SDK1: variants seen among roughly 807,000 people sequenced by gnomAD.
SDK1 encodes protein sidekick-1.
A neutral mutation model predicts 245.5 loss-of-function variants in SDK1; 157 were observed. That is an observed-to-expected ratio of 0.64 (90% CI 0.56 to 0.73). The LOEUF (loss-of-function observed/expected upper bound fraction) is 0.73, where lower values mean the gene tolerates loss of function less well. Among genes scored for constraint, SDK1 ranks in the 30% least tolerant of loss-of-function variants. SDK1 has a pLI of 0.00. For missense variants in SDK1, 3,583 were observed against 3,002.3 expected, an observed-to-expected ratio of 1.19 and a Z score of -4.52; for synonymous variants, 1,647 against 1,278.5, an observed-to-expected ratio of 1.29 and a Z score of -6.15.
intron 3 of SDK1, among the ~76,000 whole-genome samples, chr7:3,639,637 AAGG>A (rs1357999869): frequency 2.0e-5 from 3 of 152,134 alleles, no homozygotes; most frequent in South Asian, 2.1e-4. Flanking sequence ...AAAGTAAACA[AAGG>A]AGATATCAAG....
intron 1 of SDK1, among the ~76,000 whole-genome samples, chr7:3,340,976 CAGGAG>C (rs1396310729): frequency 4.6e-5 from 7 of 152,062 alleles, no homozygotes; most frequent in African/African-American, 1.7e-4. Flanking sequence ...TTCTAGAAAA[CAGGAG>C]AGAAGACCTA....
At chr7:4,170,777 A>C (rs1781792044) in intron 32 of SDK1, among the ~76,000 whole-genome samples, 1 of 152,148 alleles carries the variant, frequency 6.6e-6, no homozygotes. Context: ...AGACTGTCTG[A>C]CATGCCCAGC....
chr7:3,451,662 T>A (rs908365185), intron 1 of SDK1, among the ~76,000 whole-genome samples: 2 of 152,212 alleles, frequency 1.3e-5, no homozygotes, highest in Non-Finnish European at 2.9e-5. Context: ...TACTGAAATT[T>A]AAGCTACAGC....
At chr7:4,015,767 C>T (rs1051349778) in intron 16 of SDK1, among the ~76,000 whole-genome samples, 1 of 152,188 alleles carries the variant, frequency 6.6e-6, no homozygotes, top group Non-Finnish European at 1.5e-5. Flanking sequence ...GCCCAGAGGC[C>T]ACTTGCTCCT....
intron 25 of SDK1, among the ~76,000 whole-genome samples, chr7:4,120,773 T>G (rs1784006107): frequency 6.6e-6 from 1 of 152,010 alleles, no homozygotes. Flanking sequence ...CCCACCACCA[T>G]GACCAGCTAA....
chr7:4,227,562 G>A (rs914729570), intron 40 of SDK1: 13 of 422,920 alleles, frequency 3.1e-5, no homozygotes, highest in African/African-American at 1.8e-4. Context: ...TGACAGGCTT[G>A]CATTTGCTCT....
At chr7:3,456,863 GTT>G (rs1780684768) in intron 1 of SDK1, among the ~76,000 whole-genome samples, 1 of 152,070 alleles carries the variant, frequency 6.6e-6, no homozygotes, top group Non-Finnish European at 1.5e-5. Context: ...CCTTAGTTAG[GTT>G]TAGCACTCAG....
At chr7:4,089,700 C>T (rs1584092888) in intron 22 of SDK1, among the ~76,000 whole-genome samples, 1 of 152,222 alleles carries the variant, frequency 6.6e-6, no homozygotes, top group African/African-American at 2.4e-5. Flanking sequence ...AGCCTGCAGC[C>T]AGTGGTTAAA....
At chr7:3,965,435 G>C (rs1056510547) in intron 9 of SDK1, among the ~76,000 whole-genome samples, 9 of 152,194 alleles carry the variant, frequency 5.9e-5, no homozygotes, top group African/African-American at 1.9e-4. Flanking sequence ...GTGAGTGAGT[G>C]AACAAACAAA....
chr7:3,503,643 C>T lies in SDK1; in HGVS notation c.299-115437C>T, dbSNP rs535210701. Among the ~76,000 whole-genome samples, 6 of 152,202 alleles carry T rather than the reference C, an allele frequency of 3.9e-5. No individual in the cohort carries two copies. The South Asian group carries it at 1.2e-3, about 32-fold the overall frequency. On this transcript the variant is annotated intron_variant, in intron 1 of 44. Transcript: ENST00000404826. Reference sequence around the variant, plus strand: ...AGTACGCTATGACCATGCCACTGCACTCCAGCCTGGGTGATAGAGCCAGAC... The same window carrying T: ...AGTACGCTATGACCATGCCACTGCATTCCAGCCTGGGTGATAGAGCCAGAC...
At chr7:3,349,554 A>C (rs574629921) in intron 1 of SDK1, among the ~76,000 whole-genome samples, 1 of 152,304 alleles carries the variant, frequency 6.6e-6, no homozygotes, top group Non-Finnish European at 1.5e-5. Context: ...GATATGGGCA[A>C]GGAAACTGTG....
intron 1 of SDK1, among the ~76,000 whole-genome samples, chr7:3,565,050 T>G (rs1779867045): frequency 6.6e-6 from 1 of 151,944 alleles, no homozygotes; most frequent in Non-Finnish European, 1.5e-5. Context: ...GGGTCGGTGG[T>G]AAGATCACAT....
chr7:4,130,118 T>G, intron 27 of SDK1, 21 bp downstream of exon 27: 1 of 1,551,234 alleles, frequency 6.4e-7, no homozygotes, highest in Non-Finnish European at 8.7e-7. Context: ...GGTTCGCGCC[T>G]TCGGGAGCCT....
intron 1 of SDK1, among the ~76,000 whole-genome samples, chr7:3,406,900 G>C (rs1484350222): frequency 6.6e-6 from 1 of 151,940 alleles, no homozygotes; most frequent in East Asian, 1.9e-4. Context: ...TGTAATGTAA[G>C]CAGTCTACTT....
chr7:3,392,807 C>G (rs979316328), intron 1 of SDK1, among the ~76,000 whole-genome samples: 5 of 152,004 alleles, frequency 3.3e-5, no homozygotes, highest in Non-Finnish European at 5.9e-5. Flanking sequence ...CCTTTTTTGG[C>G]TGAATAATAA....
At chr7:3,611,348 T>C (rs1781580908) in intron 1 of SDK1, among the ~76,000 whole-genome samples, 1 of 152,252 alleles carries the variant, frequency 6.6e-6, no homozygotes, top group Middle Eastern at 3.4e-3. Context: ...TATGTCCTTT[T>C]TCTCCTTTCT....
chr7:3,706,288 G>C (rs1784887032), intron 4 of SDK1, among the ~76,000 whole-genome samples: 3 of 152,210 alleles, frequency 2.0e-5, no homozygotes, highest in African/African-American at 7.2e-5. Context: ...TCACAGATGA[G>C]TTAGGGAGGA....
In SDK1 at chr7:3,619,101, A is replaced by AG; in HGVS notation, c.320_321insG (p.Thr108AsnfsTer35). The AG allele has an allele frequency of 6.2e-7, 1 of 1,606,658 alleles. No homozygotes were observed. Among genetic ancestry groups the AG allele is most frequent in the Non-Finnish European group, 8.5e-7 (1 of 1,174,850 alleles). ...TCAGATGATGTTGCTCCATATTTTAAAACGGAGCCAGGCCTACCACAGATC... is the reference window on the plus strand; with the variant it reads ...TCAGATGATGTTGCTCCATATTTTAAGAACGGAGCCAGGCCTACCACAGATC... On this transcript the variant is annotated frameshift_variant, in exon 2 of 45. Transcript: ENST00000404826. LOFTEE classifies it high-confidence loss of function.
chr7:3,432,148 A>T (rs1456298870), intron 1 of SDK1, among the ~76,000 whole-genome samples: 1 of 148,194 alleles, frequency 6.7e-6, no homozygotes, highest in Non-Finnish European at 1.5e-5. Flanking sequence ...TTTTATATTT[A>T]AAAAATATAT....
Sources: gnomAD v4.1 joint callset for allele counts (sites outside exome capture counted in the v4.1 genomes callset) on GRCh38, gnomAD v4.1.1 for gene constraint, MANE v1.5 for transcripts, NCBI Gene and HGNC (gene_info 2026-07-23, HGNC 2026-07-21) for gene names.